SPECC1: variants seen among roughly 807,000 people sequenced by gnomAD.
SPECC1 encodes cytospin-B.
Under a neutral mutation model 104.1 loss-of-function variants are expected in SPECC1, and 62 were observed. The ratio of observed to expected loss-of-function variants is 0.60; its 90% CI spans 0.49 to 0.74. SPECC1 has a LOEUF of 0.74. Ranked by LOEUF, SPECC1 falls within the 30% of genes least tolerant of loss-of-function variation. The pLI, the probability that SPECC1 is intolerant of heterozygous loss-of-function variation, is 0.00. For synonymous variants in SPECC1, 513 were observed against 501.6 expected (o/e 1.02, Z -0.30); for missense variants, 1,306 against 1,310.5 (o/e 1.00, Z 0.05).
chr17:20,228,146 G>A (rs1279116930), intron 5 of SPECC1, among the ~76,000 whole-genome samples: 1 of 152,182 alleles, frequency 6.6e-6, no homozygotes, highest in Non-Finnish European at 1.5e-5. Context: ...AGAACAGGCT[G>A]TTGAACATGA....
rs765197010 is a variant in SPECC1, at chr17:20,110,517, G to C, written c.238G>C (p.Gly80Arg). The change falls in exon 3 of 15, where the codon GGA becomes CGA. Residue 80 changes from glycine to arginine, a missense_variant. Physicochemically the swap from Gly to Arg is moderately radical, Grantham distance 125. This residue lies in a region of SPECC1 where 1,177 missense variants were observed against 1,139.9 expected (regional missense o/e 1.03). Transcript: ENST00000395527. ...TCGCCTGAAGAAGACCGCCACTGCC[G>C]GAGCCATCTCGGAGCTCACGGAGAG... ...VVRLKKTATAGAISELTESRL... is the reference protein window; with the variant it reads ...VVRLKKTATARAISELTESRL... 2.5e-6 allele frequency: 4 copies of C among 1,613,936 alleles called. No homozygotes were observed. In the East Asian group the frequency reaches 8.9e-5, roughly 36 times the overall value.
intron 1 of SPECC1, among the ~76,000 whole-genome samples, chr17:20,060,137 CTT>C (rs928499814): frequency 6.6e-6 from 1 of 150,912 alleles, no homozygotes; most frequent in East Asian, 1.9e-4. Context: ...GTGTTTGTAC[CTT>C]TTTTTTTGGC....
intron 12 of SPECC1, among the ~76,000 whole-genome samples, chr17:20,294,570 A>G (rs2041279006): frequency 6.6e-6 from 1 of 151,976 alleles, no homozygotes; most frequent in Non-Finnish European, 1.5e-5. Flanking sequence ...AGAGATGGTG[A>G]TGGTGGTAGT....
In SPECC1 at chr17:20,246,151, C is replaced by A. The variant is rs759941131; in HGVS notation, c.2497+80C>A. ...ATTTGATATGTCTACTATCTCTACT[C>A]CACCCTGGCCCTGTGTTGTTACAAC... On this transcript the variant is annotated intron_variant, in intron 8 of 14. Coordinates refer to ENST00000395527, the MANE Select transcript of SPECC1 (RefSeq NM_001243439.2). The A allele has an allele frequency of 4.6e-6, 7 of 1,525,596 alleles. No homozygotes were observed. In the South Asian group the frequency reaches 7.1e-5, roughly 15 times the overall value. The allele number at this position is 1,525,596 out of a possible 1,614,324, so 94.5% of individuals were successfully genotyped here.
chr17:20,293,405 T>C (rs1297347303), intron 12 of SPECC1, among the ~76,000 whole-genome samples: 3 of 152,184 alleles, frequency 2.0e-5, no homozygotes, highest in Admixed American at 6.5e-5. Flanking sequence ...ATCCTGCCTC[T>C]CCTTTTCAGT....
intron 1 of SPECC1, among the ~76,000 whole-genome samples, chr17:20,012,361 T>C (rs2043973240): frequency 6.6e-6 from 1 of 152,058 alleles, no homozygotes; most frequent in Non-Finnish European, 1.5e-5. Context: ...AGACTCCCAT[T>C]ATGATTCTTG....
intron 7 of SPECC1, among the ~76,000 whole-genome samples, chr17:20,241,359 G>A (rs2039192701): frequency 6.6e-6 from 1 of 152,054 alleles, no homozygotes; most frequent in African/African-American, 2.4e-5. Context: ...ACCAACCTTG[G>A]CCTTCTCGGA....
intron 7 of SPECC1, among the ~76,000 whole-genome samples, chr17:20,233,334 T>G (rs189228200): frequency 6.6e-6 from 1 of 152,330 alleles, no homozygotes; most frequent in Non-Finnish European, 1.5e-5. Context: ...TGATCTGATG[T>G]TTGGTTATCA....
chr17:20,269,778 G>T (rs796709972), intron 12 of SPECC1, among the ~76,000 whole-genome samples: 3 of 152,290 alleles, frequency 2.0e-5, no homozygotes, highest in African/African-American at 7.2e-5. Context: ...TGGTTTCCTC[G>T]GGACTTCCTG....
At chr17:20,241,579 T>C (rs1316835271) in intron 7 of SPECC1, among the ~76,000 whole-genome samples, 2 of 152,194 alleles carry the variant, frequency 1.3e-5, no homozygotes, top group African/African-American at 2.4e-5. Context: ...GCAGAAATTC[T>C]TCAGAATCTA....
chr17:20,215,911 A>T (rs562181793), intron 4 of SPECC1, among the ~76,000 whole-genome samples: 2 of 152,306 alleles, frequency 1.3e-5, no homozygotes, highest in African/African-American at 4.8e-5. Flanking sequence ...TGTTCATCAC[A>T]CTAAAGAAAG....
intron 1 of SPECC1, among the ~76,000 whole-genome samples, chr17:20,022,193 G>A (rs916176783): frequency 6.6e-6 from 1 of 151,912 alleles, no homozygotes; most frequent in Non-Finnish European, 1.5e-5. Context: ...CGCCCGCCTC[G>A]GCCTCCCAAA....
intron 3 of SPECC1, among the ~76,000 whole-genome samples, chr17:20,157,417 T>G (rs1246038776): frequency 1.3e-5 from 2 of 152,160 alleles, no homozygotes; most frequent in Non-Finnish European, 2.9e-5. Context: ...GTTCAGACTA[T>G]TTTTTGGGCA....
At chr17:20,125,333 A>C (rs531584702) in intron 3 of SPECC1, among the ~76,000 whole-genome samples, 1 of 152,310 alleles carries the variant, frequency 6.6e-6, no homozygotes, top group South Asian at 2.1e-4. Flanking sequence ...CTTAAGGTCA[A>C]AAAGGGTAAG....
intron 3 of SPECC1, among the ~76,000 whole-genome samples, chr17:20,162,897 A>G (rs749246310): frequency 2.6e-5 from 4 of 152,186 alleles, no homozygotes; most frequent in Non-Finnish European, 5.9e-5. Flanking sequence ...GCATGGTGGC[A>G]CATGCCTGTA....
intron 12 of SPECC1, among the ~76,000 whole-genome samples, chr17:20,271,207 C>A (rs1567597061): frequency 6.6e-6 from 1 of 152,010 alleles, no homozygotes; most frequent in African/African-American, 2.4e-5. Context: ...TTTCAAGTCA[C>A]CTTGCTGATT....
intron 3 of SPECC1, among the ~76,000 whole-genome samples, chr17:20,127,674 A>G (rs576910535): frequency 6.6e-6 from 1 of 152,284 alleles, no homozygotes; most frequent in East Asian, 1.9e-4. Context: ...GGTGAAAGTA[A>G]GGAGGGCATT....
rs147605216 is a variant in SPECC1 at position 20,021,203 on chromosome 17, G to C, written c.-22+11779G>C. 1.1e-3 allele frequency among the ~76,000 whole-genome samples: 174 copies of C among 152,134 alleles called. No homozygotes were observed. The Middle Eastern group carries it at 0.017, about 15-fold the overall frequency. ...AAGAGGGGTTGGTCTTGCTGTCTTG[G>C]GGGTAGCAGAAGTGGAAGAAAATCC... On this transcript the variant is annotated intron_variant, in intron 1 of 14. Coordinates refer to ENST00000395527, the MANE Select transcript of SPECC1 (RefSeq NM_001243439.2).
intron 3 of SPECC1, among the ~76,000 whole-genome samples, chr17:20,119,088 T>C (rs910709034): frequency 1.3e-5 from 2 of 152,242 alleles, no homozygotes; most frequent in Non-Finnish European, 2.9e-5. Context: ...CTGTGAATAA[T>C]TTATATAGAC....
Sources: allele counts gnomAD v4.1 joint callset (sites outside exome capture counted in the v4.1 genomes callset), GRCh38; gene constraint gnomAD v4.1.1; regional missense constraint gnomAD v4.1.1; transcripts MANE v1.5; gene names NCBI Gene and HGNC (gene_info 2026-07-23, HGNC 2026-07-21).